The following TMEM135 variants were observed in gnomAD, a reference collection of about 807,000 sequenced individuals.
TMEM135 encodes peroxisomal membrane protein 52.
Under a neutral mutation model 60.3 loss-of-function variants are expected in TMEM135, and 30 were observed. The ratio of observed to expected loss-of-function variants is 0.50; its 90% CI spans 0.37 to 0.68. The LOEUF is 0.68. Among genes scored for constraint, TMEM135 ranks in the 30% least tolerant of loss-of-function variants. The pLI, the probability that TMEM135 is intolerant of heterozygous loss-of-function variation, is 0.00. For synonymous variants in TMEM135, 190 were observed against 186.7 expected, an observed-to-expected ratio of 1.02 and a Z score of -0.14; for missense variants, 468 against 548.8, an observed-to-expected ratio of 0.85 and a Z score of 1.47.
chr11:87,105,338 G>T (rs1857566340), intron 4 of TMEM135, among the ~76,000 whole-genome samples: 3 of 152,176 alleles, frequency 2.0e-5, no homozygotes, highest in African/African-American at 7.2e-5. Flanking sequence ...ATTCTCATAG[G>T]ATCCCGAACC....
At chr11:87,054,301 G>A (rs1388402035) in intron 1 of TMEM135, among the ~76,000 whole-genome samples, 1 of 152,156 alleles carries the variant, frequency 6.6e-6, no homozygotes, top group Non-Finnish European at 1.5e-5. Context: ...TGGGCATGGT[G>A]GCGTGTGCCT....
intron 3 of TMEM135, among the ~76,000 whole-genome samples, chr11:87,078,576 A>G (rs1342832471): frequency 6.6e-6 from 1 of 151,992 alleles, no homozygotes; most frequent in Non-Finnish European, 1.5e-5. Flanking sequence ...TTTAATTTTG[A>G]TGAAGAAGTC....
chr11:87,137,670 A>AT (rs11424291), intron 4 of TMEM135, among the ~76,000 whole-genome samples: 71,097 of 149,962 alleles, frequency 0.47, 16,967 homozygotes, highest in East Asian at 0.67. Context: ...AAATCTCAGC[A>AT]TTTTTTTTTT....
chr11:87,300,478 G>A (rs1942424531), intron 7 of TMEM135, among the ~76,000 whole-genome samples: 1 of 152,168 alleles, frequency 6.6e-6, no homozygotes, highest in African/African-American at 2.4e-5. Context: ...AATAATTACT[G>A]ATAATTTATT....
chr11:87,196,583 A>G (rs1232216164), intron 5 of TMEM135, among the ~76,000 whole-genome samples: 1 of 152,062 alleles, frequency 6.6e-6, no homozygotes, highest in Non-Finnish European at 1.5e-5. Context: ...AGTGGGGAAT[A>G]TTATTTTTAG....
chr11:87,056,097 A>G (rs1000495854), intron 1 of TMEM135, among the ~76,000 whole-genome samples: 2 of 152,112 alleles, frequency 1.3e-5, no homozygotes, highest in African/African-American at 2.4e-5. Flanking sequence ...GTGGTAAAGG[A>G]TTAATTTTCT....
intron 6 of TMEM135, among the ~76,000 whole-genome samples, chr11:87,275,446 A>G (rs1295506910): frequency 1.3e-5 from 2 of 152,118 alleles, no homozygotes; most frequent in East Asian, 3.9e-4. Context: ...ACTAACTTTA[A>G]AGAGGTTGAA....
intron 4 of TMEM135, among the ~76,000 whole-genome samples, chr11:87,145,076 T>G (rs1938376709): frequency 6.6e-6 from 1 of 152,186 alleles, no homozygotes. Context: ...CATATTTCTC[T>G]GGAGATTTTC....
At chr11:87,099,232 T>G (rs1857398480) in intron 4 of TMEM135, among the ~76,000 whole-genome samples, 1 of 152,144 alleles carries the variant, frequency 6.6e-6, no homozygotes, top group East Asian at 1.9e-4. Flanking sequence ...GTTGTCTGCT[T>G]TAGATTGTGA....
chr11:87,195,980 A>G (rs1939948414), intron 5 of TMEM135, among the ~76,000 whole-genome samples: 2 of 152,208 alleles, frequency 1.3e-5, no homozygotes, highest in South Asian at 4.1e-4. Flanking sequence ...ACAGATGCTG[A>G]GGAAATACTA....
intron 6 of TMEM135, among the ~76,000 whole-genome samples, chr11:87,295,063 G>A (rs147905627): frequency 4.9e-4 from 75 of 152,218 alleles, no homozygotes; most frequent in African/African-American, 1.8e-3. Context: ...CTAGGTTACT[G>A]CATTTTTTGA....
intron 4 of TMEM135, among the ~76,000 whole-genome samples, chr11:87,107,196 G>A (rs924851102): frequency 6.6e-6 from 1 of 152,124 alleles, no homozygotes; most frequent in South Asian, 2.1e-4. Context: ...TTCAGTCTTG[G>A]TAGGTTGTAT....
chr11:87,063,330 A>G (rs1949967416), intron 1 of TMEM135, among the ~76,000 whole-genome samples: 1 of 152,144 alleles, frequency 6.6e-6, no homozygotes, highest in Admixed American at 6.5e-5. Context: ...TTTTAGCTAA[A>G]TCTTTATATG....
At chr11:87,145,688 A>T (rs75253629) in intron 4 of TMEM135, among the ~76,000 whole-genome samples, 2 of 150,624 alleles carry the variant, frequency 1.3e-5, no homozygotes, top group Admixed American at 6.6e-5. Flanking sequence ...TCTGATGTTG[A>T]TTTTTTTTTC....
chr11:87,295,934 T>C (rs1942340468), intron 7 of TMEM135, 111 bp downstream of exon 7: 1 of 887,246 alleles, frequency 1.1e-6, no homozygotes. Flanking sequence ...AAAATAATTT[T>C]AGAATTCACA....
chr11:87,137,578 C>G (rs532337268), intron 4 of TMEM135, among the ~76,000 whole-genome samples: 41 of 152,000 alleles, frequency 2.7e-4, no homozygotes, highest in African/African-American at 9.4e-4. Context: ...TGGTATTATC[C>G]CCATTTAATG....
chr11:87,130,242 G>C (rs1937882667), intron 4 of TMEM135, among the ~76,000 whole-genome samples: 2 of 151,600 alleles, frequency 1.3e-5, no homozygotes, highest in Non-Finnish European at 2.9e-5. Flanking sequence ...GAGGGCCCAG[G>C]CTTTTTCCAT....
intron 5 of TMEM135, among the ~76,000 whole-genome samples, chr11:87,224,755 G>A (rs1234484338): frequency 1.1e-5 from 1 of 87,078 alleles, no homozygotes; most frequent in Non-Finnish European, 2.2e-5. Flanking sequence ...TGAATGACAT[G>A]TGAGTTTTTT....
At chr11:87,314,597 A>T in intron 12 of TMEM135, 50 bp downstream of exon 12, 1 of 1,450,228 alleles carries the variant, frequency 6.9e-7, no homozygotes, top group Non-Finnish European at 9.7e-7. Flanking sequence ...TAAAGCTTTT[A>T]GCTGCTGACT....
Sources: allele counts gnomAD v4.1 joint callset (sites outside exome capture counted in the v4.1 genomes callset), GRCh38; gene constraint gnomAD v4.1.1; transcripts MANE v1.5; gene names NCBI Gene and HGNC (gene_info 2026-07-23, HGNC 2026-07-21).